Variants in MED25 observed in about 807,000 individuals in gnomAD.
The protein encoded by MED25 is mediator complex subunit 25.
Under a neutral mutation model 89.4 loss-of-function variants are expected in MED25, and 62 were observed. The ratio of observed to expected loss-of-function variants is 0.69; its 90% CI spans 0.57 to 0.86. The LOEUF is 0.86. Ranked by LOEUF, MED25 falls within the 40% of genes least tolerant of loss-of-function variation. The pLI, the probability that MED25 is intolerant of heterozygous loss-of-function variation, is 0.00. For synonymous variants in MED25, 449 were observed against 427.9 expected, an observed-to-expected ratio of 1.05 and a Z score of -0.61; for missense variants, 905 against 1,005.2, an observed-to-expected ratio of 0.90 and a Z score of 1.35.
rs377351520 is a variant in MED25 at position 49,836,124 on chromosome 19, C to T, written c.1966-102C>T. ...TCCATCCCCCACCTTTGAAGAAAAA[C>T]TTCCCCTCACCACTAGCTGATTCCA... On this transcript the variant is annotated intron_variant, in intron 16 of 17. Coordinates refer to ENST00000312865, the MANE Select transcript of MED25 (RefSeq NM_030973.4). The surrounding 1 kb of genome is among the most constrained non-coding windows in gnomAD (Gnocchi z 5.1). 60 of 1,519,916 alleles carry T rather than the reference C, an allele frequency of 3.9e-5. No homozygotes were observed. In the East Asian group the frequency reaches 1.4e-3, roughly 35 times the overall value. The allele number at this position is 1,519,916 out of a possible 1,614,324, so 94.2% of individuals were successfully genotyped here. A position where few individuals can be genotyped will look rare whatever the true frequency, so the allele number is the denominator to read the frequency against.
chr19:49,832,473 C>A, intron 13 of MED25, 58 bp downstream of exon 13: 1 of 1,065,672 alleles, frequency 9.4e-7, no homozygotes, highest in Non-Finnish European at 1.4e-6. Context: ...TTTCTGCTGA[C>A]CTTTGACGGG....
downstream of MED25, chr19:49,838,452 C>T (rs2122122661): frequency 2.5e-6 from 1 of 405,726 alleles, no homozygotes; most frequent in East Asian, 7.1e-5. Flanking sequence ...CAGTCCCCAC[C>T]ACTCCCTCTT....
At chr19:49,832,213 C>G in intron 12 of MED25, 56 bp downstream of exon 12, 1 of 1,590,168 alleles carries the variant, frequency 6.3e-7, no homozygotes, top group South Asian at 1.1e-5. Context: ...CCTGCTGTCT[C>G]TTTCCTGTTC....
In MED25 at chr19:49,818,383, G is replaced by C; in HGVS notation, c.42G>C (p.Val14=). 2 of 1,612,476 alleles carry C rather than the reference G, an allele frequency of 1.2e-6. No homozygotes were observed. The highest frequency in any genetic ancestry group is 1.7e-6 in the Non-Finnish European group (2 of 1,179,310). Residue 14 remains valine, a synonymous_variant, in exon 1 of 18, where the codon GTG becomes GTC. Coordinates refer to ENST00000312865, the MANE Select transcript of MED25 (RefSeq NM_030973.4). ...GSEGPARAGS[V]VADVVFVIEG... ...AGGGCCCGGCCCGCGCCGGGAGCGT[G>C]GTGGCCGACGTGGTGTTTGTGATTG... is the stretch of plus-strand genomic sequence containing the variant.
rs550983438 is a variant in MED25, at chr19:49,825,553, A to G, written c.306-2896A>G. Reference sequence around the variant, plus strand: ...AAGCCATTGCACCCAGTCACTTCCAACTGTTTTACAGGGTCATGCCTGTAA... The same window carrying G: ...AAGCCATTGCACCCAGTCACTTCCAGCTGTTTTACAGGGTCATGCCTGTAA... On this transcript the variant is annotated intron_variant, in intron 3 of 17. Coordinates refer to ENST00000312865, the MANE Select transcript of MED25 (RefSeq NM_030973.4). Among the ~76,000 whole-genome samples, 301 of 151,582 alleles carry G rather than the reference A, an allele frequency of 2.0e-3. 3 individuals carry two copies. Among genetic ancestry groups the G allele is most frequent in the Middle Eastern group, 3.4e-3 (1 of 292 alleles).
Position 49,835,586 on chromosome 19 carries a change from C to G in MED25, c.1727C>G (p.Ala576Gly), listed in dbSNP as rs193291405. 0.014 allele frequency: 22,558 copies of G among 1,565,174 alleles called. 294 individuals carry two copies. The highest frequency in any genetic ancestry group is 0.018 in the Non-Finnish European group (20,865 of 1,155,306). ...PGLGPILEDQ[A>G]RPSQNLLQLR... ...CTGGGGCCCATTCTGGAGGACCAAGCCAGGCCCTCACAGAATCTGGTGAGG... is the reference window on the plus strand; with the variant it reads ...CTGGGGCCCATTCTGGAGGACCAAGGCAGGCCCTCACAGAATCTGGTGAGG... Residue 576 changes from alanine to glycine, a missense_variant, in exon 15 of 18, where the codon GCC becomes GGC. Coordinates refer to ENST00000312865, the MANE Select transcript of MED25 (RefSeq NM_030973.4). The surrounding 1 kb of genome is among the most constrained non-coding windows in gnomAD (Gnocchi z 6.2).
intron 4 of MED25, 25 bp from the exon 5 acceptor site, chr19:49,828,945 C>T: frequency 6.2e-7 from 1 of 1,613,758 alleles, no homozygotes; most frequent in South Asian, 1.1e-5. Flanking sequence ...GCTGCTGGCT[C>T]CATGTCTTCT....
chr19:49,828,475 G>A lies in MED25; in HGVS notation c.332G>A (p.Cys111Tyr). The change falls in exon 4 of 18, where the codon TGC (cysteine) becomes TAC (tyrosine). Residue 111 changes from cysteine (C) to tyrosine (Y), a missense_variant. By Grantham distance (194) the Cys-to-Tyr change is radical. Transcript: ENST00000312865. Reference sequence around the variant, plus strand: ...TTCATGGGCGGGGGTGGTGAGAGCTGCAGCCTCATCGCGGAAGGACTCAGC... The same window carrying A: ...TTCATGGGCGGGGGTGGTGAGAGCTACAGCCTCATCGCGGAAGGACTCAGC... ...IKFMGGGGES[C>Y]SLIAEGLSTA... 6.2e-7 allele frequency: 1 copy of A among 1,614,058 alleles called. No individual in the cohort carries two copies. The highest frequency in any genetic ancestry group is 8.5e-7 in the Non-Finnish European group (1 of 1,179,938).
intron 3 of MED25, among the ~76,000 whole-genome samples, chr19:49,828,240 AAAAC>A (rs1363084801): frequency 6.6e-6 from 1 of 151,330 alleles, no homozygotes; most frequent in Non-Finnish European, 1.5e-5. Context: ...AAAAAAAAAA[AAAAC>A]ACAGACAGCA....
In MED25 at chr19:49,835,969, G is replaced by T. The variant is rs199504834; in HGVS notation, c.1965+24G>T. ...CGGTGAGATGTTGGGGTGGGGTAGC[G>T]AGAGTTCCAGATCCTGGCCCTGGTG... is the stretch of plus-strand genomic sequence containing the variant. On this transcript the variant is annotated intron_variant, in intron 16 of 17. Coordinates refer to ENST00000312865, the MANE Select transcript of MED25 (RefSeq NM_030973.4). This position sits in a 1 kb window ranked among gnomAD's most constrained non-coding sequence, Gnocchi z 6.2. 9.9e-6 allele frequency: 16 copies of T among 1,611,776 alleles called. No homozygotes were observed. The highest frequency in any genetic ancestry group is 1.2e-5 in the Non-Finnish European group (14 of 1,179,694).
At position 49,830,527 on chromosome 19, in the gene MED25, G is replaced by A. The variant is rs773096421; in HGVS notation, c.836G>A (p.Ser279Asn). The change falls in exon 8 of 18, where the codon AGT (serine) becomes AAT (asparagine). Residue 279 changes from serine to asparagine, a missense_variant. By Grantham distance (46) the Ser-to-Asn change is conservative. This residue lies in a region of MED25 where 501 missense variants were observed against 526.9 expected (regional missense o/e 0.95). Transcript: ENST00000312865. The surrounding 1 kb of genome is among the most constrained non-coding windows in gnomAD (Gnocchi z 4.6). ...TACCCACAGGTTCCCGGGAACCTGA[G>A]TGCAGCTCAGGTGGCCGCGCAGAAT... ...PPQYQVPGNL[S>N]AAQVAAQNAV... 15 of 1,614,052 alleles carry A rather than the reference G, an allele frequency of 9.3e-6. No homozygotes were observed. The highest frequency in any genetic ancestry group is 2.7e-5 in the African/African-American group (2 of 74,928).
Position 49,834,510 on chromosome 19 carries a change from G to C in MED25, c.1483-476G>C, listed in dbSNP as rs1460277348. The C allele has an allele frequency of 4.6e-6, 1 of 216,774 alleles. No homozygotes were observed. Among genetic ancestry groups the C allele is most frequent in the Non-Finnish European group, 9.5e-6 (1 of 105,672 alleles). The allele number at this position is 216,774 out of a possible 1,614,324, so 13.4% of individuals were successfully genotyped here. A position where few individuals can be genotyped will look rare whatever the true frequency, so the allele number is the denominator to read the frequency against. ...GACATCGCATAGTCACAGCGACCCT[G>C]TGATGTGGGAGCACTCCCCGTGGTG... is the stretch of plus-strand genomic sequence containing the variant. On this transcript the variant is annotated intron_variant, in intron 13 of 17. Coordinates refer to ENST00000312865, the MANE Select transcript of MED25 (RefSeq NM_030973.4). The surrounding 1 kb of genome is among the most constrained non-coding windows in gnomAD (Gnocchi z 4.1).
At chr19:49,833,130 G>C (rs1247054586) in intron 13 of MED25, 2 of 153,478 alleles carry the variant, frequency 1.3e-5, no homozygotes, top group African/African-American at 4.8e-5. Flanking sequence ...TTTTGAGACA[G>C]AGTTTCACTG....
intron 3 of MED25, among the ~76,000 whole-genome samples, chr19:49,826,069 A>G (rs2074013356): frequency 6.6e-6 from 1 of 151,988 alleles, no homozygotes; most frequent in East Asian, 1.9e-4. Flanking sequence ...TGCCGGGCAC[A>G]GTGGCTCACG....
intron 3 of MED25, among the ~76,000 whole-genome samples, chr19:49,827,574 G>A (rs566334531): frequency 4.6e-5 from 7 of 152,176 alleles, no homozygotes; most frequent in South Asian, 4.1e-4. Flanking sequence ...CCGTGTCCAC[G>A]TTTCTCCTTT....
rs980805046 is a variant in MED25, at chr19:49,818,364, C to A, written c.23C>A (p.Pro8Gln). MVPGSEG[P>Q]ARAGSVVADV... Reference sequence around the variant, plus strand: ...GGTATGGTCCCCGGGTCCGAGGGCCCGGCCCGCGCCGGGAGCGTGGTGGCC... The same window carrying A: ...GGTATGGTCCCCGGGTCCGAGGGCCAGGCCCGCGCCGGGAGCGTGGTGGCC... The change falls in exon 1 of 18, where the codon CCG becomes CAG. Residue 8 changes from proline (P) to glutamine (Q), a missense_variant. This residue lies in a region of MED25 where 501 missense variants were observed against 526.9 expected (regional missense o/e 0.95). Coordinates refer to ENST00000312865, the MANE Select transcript of MED25 (RefSeq NM_030973.4). The A allele has an allele frequency of 2.5e-6, 4 of 1,605,564 alleles. No homozygotes were observed. Among genetic ancestry groups the A allele is most frequent in the Non-Finnish European group, 3.4e-6 (4 of 1,176,006 alleles).
Position 49,818,785 on chromosome 19 carries a change from G to A in MED25, c.180+169G>A, listed in dbSNP as rs1040516414. On this transcript the variant is annotated intron_variant, in intron 2 of 17. Coordinates refer to ENST00000312865, the MANE Select transcript of MED25 (RefSeq NM_030973.4). ...GGAGGGCCTGGGGGCCTGGACTCCT[G>A]GGTCTGAGGGTGGAGGCGCTGGGGC... 1.1e-5 allele frequency: 8 copies of A among 711,500 alleles called. No homozygotes were observed. In the Admixed American group the frequency reaches 2.0e-4, roughly 17 times the overall value. The allele number at this position is 711,500 out of a possible 1,614,324, so 44.1% of individuals were successfully genotyped here. A position where few individuals can be genotyped will look rare whatever the true frequency, so the allele number is the denominator to read the frequency against.
Position 49,835,527 on chromosome 19 carries a change from C to T in MED25, c.1675-7C>T, listed in dbSNP as rs79635160. ...AGTTACTGACCTGCCCCTCTCTCCC[C>T]GTGCAGATGGGGGGACAGCAGGCAC... On this transcript the variant is annotated splice_polypyrimidine_tract_variant and splice_region_variant and intron_variant, in intron 14 of 17. Coordinates refer to ENST00000312865, the MANE Select transcript of MED25 (RefSeq NM_030973.4). This position sits in a 1 kb window ranked among gnomAD's most constrained non-coding sequence, Gnocchi z 6.2. The T allele has an allele frequency of 1.4e-3, 2,231 of 1,550,226 alleles. 15 individuals are homozygous for T. The East Asian group carries it at 0.023, about 16-fold the overall frequency.
intron 3 of MED25, among the ~76,000 whole-genome samples, chr19:49,822,971 CAG>C (rs1198735233): frequency 1.3e-5 from 2 of 152,006 alleles, no homozygotes; most frequent in Non-Finnish European, 2.9e-5. Flanking sequence ...TAACCTGAGA[CAG>C]GGTCTTGCTC....
Sources: allele counts gnomAD v4.1 joint callset (sites outside exome capture counted in the v4.1 genomes callset), GRCh38; gene constraint gnomAD v4.1.1; regional missense constraint gnomAD v4.1.1; non-coding constraint Gnocchi (gnomAD v3.1); transcripts MANE v1.5; gene names NCBI Gene and HGNC (gene_info 2026-07-23, HGNC 2026-07-21).